The following INSIG2 variants were observed in gnomAD, a reference collection of about 807,000 sequenced individuals.
The protein encoded by INSIG2 is insulin-induced gene 2 protein.
INSIG2 carries 10 observed loss-of-function variants against 27.2 expected under a neutral mutation model. That is an observed-to-expected ratio of 0.37 (90% CI 0.23 to 0.62). INSIG2 has a LOEUF of 0.62. Among genes scored for constraint, INSIG2 ranks in the 20% least tolerant of loss-of-function variants. The pLI, the probability that INSIG2 is intolerant of heterozygous loss-of-function variation, is 0.65. For synonymous variants in INSIG2, 97 were observed against 95.8 expected, an observed-to-expected ratio of 1.01 and a Z score of -0.07; for missense variants, 178 against 270.2, an observed-to-expected ratio of 0.66 and a Z score of 2.39.
chr2:118,103,164 A>C, intron 2 of INSIG2, 33 bp from the exon 3 acceptor site: 8 of 1,597,742 alleles, frequency 5.0e-6, no homozygotes, highest in Non-Finnish European at 6.8e-6. Flanking sequence ...ACAACATTGG[A>C]GGTAACTTAA....
chr2:118,099,672 C>T (rs952621226), intron 2 of INSIG2, among the ~76,000 whole-genome samples: 8 of 152,128 alleles, frequency 5.3e-5, no homozygotes, highest in Admixed American at 2.0e-4. Flanking sequence ...TGTGTCCAAA[C>T]GTATGAAAAT....
rs781590512 is a variant in INSIG2, at chr2:118,106,792, T to C, written c.425T>C (p.Ile142Thr). 2.5e-6 allele frequency: 4 copies of C among 1,614,068 alleles called. No homozygotes were observed. Among genetic ancestry groups the C allele is most frequent in the South Asian group, 2.2e-5 (2 of 91,082 alleles). Residue 142 changes from isoleucine to threonine, a missense_variant, in exon 4 of 6, where the codon ATT (isoleucine) becomes ACT (threonine). Coordinates refer to ENST00000245787, the MANE Select transcript of INSIG2 (RefSeq NM_016133.4). The part of the protein sequence containing the change: ...QLSLTLAALS[I>T]GLWWTFDRSR... ...TCTCTCACACTGGCTGCACTATCCATTGGACTGTGGTGGACTTTTGATAGA... is the reference window on the plus strand; with the variant it reads ...TCTCTCACACTGGCTGCACTATCCACTGGACTGTGGTGGACTTTTGATAGA...
At chr2:118,106,697 G>A (rs758916616) in intron 3 of INSIG2, 40 bp from the exon 4 acceptor site, 3 of 1,543,670 alleles carry the variant, frequency 1.9e-6, no homozygotes, top group South Asian at 2.3e-5. Context: ...GATATTATTT[G>A]GTTACAACTT....
At chr2:118,092,147 G>GA (rs1373562041) in intron 1 of INSIG2, among the ~76,000 whole-genome samples, 3 of 152,004 alleles carry the variant, frequency 2.0e-5, no homozygotes, top group Non-Finnish European at 2.9e-5. Context: ...TTCCCTTTTG[G>GA]AAAAATCACA....
intron 1 of INSIG2, among the ~76,000 whole-genome samples, chr2:118,092,987 C>A: frequency 7.4e-6 from 1 of 135,842 alleles, no homozygotes. Context: ...GCTACTGAAC[C>A]TTGCTAAAAG....
rs1028182463 is a variant in INSIG2 at position 118,089,724 on chromosome 2, C to T, written c.-139+1183C>T. On this transcript the variant is annotated intron_variant, in intron 1 of 5. Coordinates refer to ENST00000245787, the MANE Select transcript of INSIG2 (RefSeq NM_016133.4). ...ACAGTGACCAAGCTGTGAATCATGT[C>T]CACTCGGGAAAGAGGTTGATTCTGT... is the stretch of plus-strand genomic sequence containing the variant. 2.0e-5 allele frequency among the ~76,000 whole-genome samples: 3 copies of T among 151,964 alleles called. No individual in the cohort carries two copies. In the South Asian group the frequency reaches 6.2e-4, roughly 31 times the overall value.
intron 2 of INSIG2, among the ~76,000 whole-genome samples, chr2:118,101,342 A>G (rs2104533237): frequency 6.6e-6 from 1 of 152,312 alleles, no homozygotes; most frequent in Non-Finnish European, 1.5e-5. Flanking sequence ...GTGGCAGTTT[A>G]AATTTCTTTT....
intron 3 of INSIG2, among the ~76,000 whole-genome samples, chr2:118,104,128 T>C (rs554668232): frequency 6.6e-6 from 1 of 152,246 alleles, no homozygotes; most frequent in African/African-American, 2.4e-5. Context: ...GTTTAGACAA[T>C]GAAGGTGGCA....
At chr2:118,091,524 C>T (rs187823995) in intron 1 of INSIG2, among the ~76,000 whole-genome samples, 130 of 152,158 alleles carry the variant, frequency 8.5e-4, no homozygotes, top group Non-Finnish European at 1.3e-3. Context: ...GAACTTTCAT[C>T]CCAGAAAAAA....
intron 1 of INSIG2, among the ~76,000 whole-genome samples, chr2:118,091,025 TC>T (rs1678212295): frequency 1.3e-5 from 2 of 152,254 alleles, no homozygotes; most frequent in Admixed American, 6.5e-5. Context: ...TGTCAAGTAA[TC>T]TAAATTTTTC....
At chr2:118,104,275 C>G (rs1678620538) in intron 3 of INSIG2, among the ~76,000 whole-genome samples, 1 of 152,094 alleles carries the variant, frequency 6.6e-6, no homozygotes, top group Non-Finnish European at 1.5e-5. Flanking sequence ...CAAGTAGACC[C>G]CTGTGTCTTT....
chr2:118,089,191 A>G (rs1403924786), intron 1 of INSIG2, among the ~76,000 whole-genome samples: 1 of 151,960 alleles, frequency 6.6e-6, no homozygotes, highest in East Asian at 1.9e-4. Flanking sequence ...AGTGTGGATT[A>G]TGGGAGTGGG....
At chr2:118,089,574 A>C (rs1440562342) in intron 1 of INSIG2, among the ~76,000 whole-genome samples, 1 of 151,936 alleles carries the variant, frequency 6.6e-6, no homozygotes, top group African/African-American at 2.4e-5. Flanking sequence ...TGGGGGCCCC[A>C]AAGAAAACAA....
At chr2:118,094,373 T>TGATGATGATGATGAC (rs898340343) in intron 1 of INSIG2, among the ~76,000 whole-genome samples, 1 of 143,282 alleles carries the variant, frequency 7.0e-6, no homozygotes, top group Non-Finnish European at 1.5e-5. Flanking sequence ...AACCAGATGA[T>TGATGATGATGATGAC]GATGATGATG....
intron 2 of INSIG2, 151 bp downstream of exon 2, chr2:118,096,951 C>G: frequency 2.3e-6 from 2 of 863,612 alleles, no homozygotes; most frequent in Middle Eastern, 3.7e-4. Context: ...AATTGAACAA[C>G]TTGATGTGTT....
chr2:118,089,062 A>G (rs764908325), intron 1 of INSIG2, among the ~76,000 whole-genome samples: 7 of 152,172 alleles, frequency 4.6e-5, no homozygotes, highest in Non-Finnish European at 1.0e-4. Flanking sequence ...TTGGTTACCT[A>G]TGGAATAGGT....
At chr2:118,090,679 A>G (rs943839700) in intron 1 of INSIG2, among the ~76,000 whole-genome samples, 1 of 152,200 alleles carries the variant, frequency 6.6e-6, no homozygotes, top group African/African-American at 2.4e-5. Flanking sequence ...AATTGTTGAA[A>G]ACATTATTTT....
chr2:118,088,904 G>A (rs907506096), intron 1 of INSIG2, among the ~76,000 whole-genome samples: 4 of 152,230 alleles, frequency 2.6e-5, no homozygotes, highest in African/African-American at 9.6e-5. Flanking sequence ...GAGCTGCCAG[G>A]ACTTGGGGGC....
chr2:118,107,234 CAA>C (rs1678696124), intron 5 of INSIG2, 45 bp downstream of exon 5: 6 of 1,357,070 alleles, frequency 4.4e-6, no homozygotes, highest in African/African-American at 2.9e-5. Flanking sequence ...GAACAAATGA[CAA>C]GTTTTCTCTA....
Sources: gnomAD v4.1 joint callset for allele counts (sites outside exome capture counted in the v4.1 genomes callset) on GRCh38, gnomAD v4.1.1 for gene constraint, MANE v1.5 for transcripts, NCBI Gene and HGNC (gene_info 2026-07-23, HGNC 2026-07-21) for gene names.